Variants in EIF3E observed in about 807,000 individuals in gnomAD.
EIF3E encodes eIF-3 p48.
Under a neutral mutation model 59.3 loss-of-function variants are expected in EIF3E, and 25 were observed. The ratio of observed to expected loss-of-function variants is 0.42; its 90% confidence interval spans 0.31 to 0.59. The LOEUF is 0.59. EIF3E is among the 20% of genes least tolerant of loss of function. The pLI is 0.15. For synonymous variants in EIF3E, 176 were observed against 170.2 expected, an observed-to-expected ratio of 1.03 and a Z score of -0.26; for missense variants, 317 against 534.3, an observed-to-expected ratio of 0.59 and a Z score of 4.01.
chr8:108,247,585 C>T (rs972707342), intron 1 of EIF3E, among the ~76,000 whole-genome samples: 4 of 152,022 alleles, frequency 2.6e-5, no homozygotes, highest in African/African-American at 7.2e-5. Context: ...ACCTGTCTAA[C>T]GAGCCACAAC....
intron 5 of EIF3E, among the ~76,000 whole-genome samples, chr8:108,230,642 G>A (rs756157046): frequency 6.6e-6 from 1 of 152,034 alleles, no homozygotes; most frequent in African/African-American, 2.4e-5. Flanking sequence ...GAGTAGATGT[G>A]TAAATTAAAT....
intron 7 of EIF3E, among the ~76,000 whole-genome samples, chr8:108,225,290 G>C (rs928403158): frequency 8.6e-5 from 13 of 151,548 alleles, no homozygotes; most frequent in Admixed American, 4.6e-4. Flanking sequence ...TGGAAAATTT[G>C]TATCAGCCAC....
Position 108,223,531 on chromosome 8 carries a change from T to C in EIF3E, c.722+4736A>G, listed in dbSNP as rs1312688285. On this transcript the variant is annotated intron_variant, in intron 7 of 12. Transcript: ENST00000220849. The stretch of plus-strand genomic sequence containing the variant: ...GGTTAATAGTAAAACTTGAAATTTC[T>C]TAGAAAATTCAGATTATTTTTATTG... Among the ~76,000 whole-genome samples, 3 of 152,358 alleles carry C rather than the reference T, an allele frequency of 2.0e-5. No individual in the cohort carries two copies. The East Asian group carries it at 5.8e-4, about 29-fold the overall frequency.
intron 1 of EIF3E, among the ~76,000 whole-genome samples, chr8:108,244,318 CT>C (rs1378754516): frequency 6.6e-6 from 1 of 152,182 alleles, no homozygotes; most frequent in Non-Finnish European, 1.5e-5. Context: ...CAAAAACAGG[CT>C]GCTATCTGAT....
chr8:108,233,307 A>G (rs924446417), intron 5 of EIF3E: 3 of 152,212 alleles, frequency 2.0e-5, no homozygotes, highest in Non-Finnish European at 4.4e-5. Flanking sequence ...ATGCAATTTA[A>G]GTGTAGAAAT....
intron 5 of EIF3E, among the ~76,000 whole-genome samples, chr8:108,233,220 T>C (rs1445300790): frequency 2.0e-5 from 3 of 152,226 alleles, no homozygotes; most frequent in African/African-American, 7.2e-5. Context: ...AAAGTTGTTT[T>C]TCTTAAGCAA....
chr8:108,203,541 G>T (rs1380860402), intron 10 of EIF3E, 38 bp from the exon 11 acceptor site: 2 of 1,575,262 alleles, frequency 1.3e-6, no homozygotes, highest in Admixed American at 3.3e-5. Flanking sequence ...TAATTAACTG[G>T]GCCTAAAAAC....
At chr8:108,215,185 G>T (rs1815278704) in intron 9 of EIF3E, among the ~76,000 whole-genome samples, 2 of 150,668 alleles carry the variant, frequency 1.3e-5, no homozygotes, top group Admixed American at 1.3e-4. Context: ...GTACCCTCTA[G>T]GTCTTTTAAC....
chr8:108,208,906 C>T lies in EIF3E; in HGVS notation c.1062-5403G>A, dbSNP rs542500260. Among the ~76,000 whole-genome samples, 4 of 152,182 alleles carry T rather than the reference C, an allele frequency of 2.6e-5. No individual in the cohort carries two copies. The East Asian group carries it at 7.7e-4, about 29-fold the overall frequency. On this transcript the variant is annotated intron_variant, in intron 10 of 12. Coordinates refer to ENST00000220849, the MANE Select transcript of EIF3E (RefSeq NM_001568.3). The stretch of plus-strand genomic sequence containing the variant: ...TCAGCTATACTAAATTAAACCCCAA[C>T]ACAGTAATCTTTTTTGACAGATGTT...
intron 10 of EIF3E, among the ~76,000 whole-genome samples, chr8:108,204,746 TAGAGAGAGAG>T (rs1180256994): frequency 3.5e-4 from 40 of 113,686 alleles, no homozygotes; most frequent in Non-Finnish European, 4.8e-4. Flanking sequence ...TATATATATA[TAGAGAGAGAG>T]AGAGAGAGAG....
intron 1 of EIF3E, among the ~76,000 whole-genome samples, chr8:108,246,087 T>C (rs1456025296): frequency 6.6e-6 from 1 of 152,138 alleles, no homozygotes; most frequent in Non-Finnish European, 1.5e-5. Context: ...TAAGTTAGCA[T>C]ATACAGTGTG....
chr8:108,244,106 T>G (rs963713967), intron 1 of EIF3E, among the ~76,000 whole-genome samples: 5 of 152,186 alleles, frequency 3.3e-5, no homozygotes, highest in Admixed American at 3.3e-4. Context: ...AAAACGAGAA[T>G]CAAATTTCCA....
chr8:108,238,481 A>G (rs1815776359), intron 3 of EIF3E, among the ~76,000 whole-genome samples: 1 of 152,234 alleles, frequency 6.6e-6, no homozygotes, highest in Non-Finnish European at 1.5e-5. Context: ...CAATGTAAAT[A>G]TCATATAGTT....
intron 1 of EIF3E, chr8:108,243,453 C>T (rs999522597): frequency 4.0e-4 from 61 of 151,778 alleles, no homozygotes; most frequent in African/African-American, 1.4e-3. Context: ...CACGGTGAAA[C>T]CCTGTCTCTA....
chr8:108,244,356 C>T (rs1330032890), intron 1 of EIF3E, among the ~76,000 whole-genome samples: 3 of 152,166 alleles, frequency 2.0e-5, no homozygotes, highest in South Asian at 2.1e-4. Context: ...GCTGATCCGT[C>T]GTCTATCAAC....
chr8:108,227,355 A>C (rs1815534868), intron 7 of EIF3E: 1 of 152,170 alleles, frequency 6.6e-6, no homozygotes, highest in Non-Finnish European at 1.5e-5. Context: ...AATTTGCCCA[A>C]TAATATAGTC....
At chr8:108,226,814 C>A (rs1993472) in intron 7 of EIF3E, among the ~76,000 whole-genome samples, 5,310 of 152,226 alleles carry the variant, frequency 0.035, 306 homozygotes, top group African/African-American at 0.12. Context: ...AAGCAAAACC[C>A]CCCATGATTC....
chr8:108,242,179 T>C (rs1019488976), intron 1 of EIF3E: 1 of 1,343,512 alleles, frequency 7.4e-7, no homozygotes, highest in Non-Finnish European at 9.8e-7. Flanking sequence ...CATGACCTTA[T>C]TTTTTATGTG....
At chr8:108,209,373 C>T (rs1270929730) in intron 10 of EIF3E, among the ~76,000 whole-genome samples, 1 of 152,028 alleles carries the variant, frequency 6.6e-6, no homozygotes, top group Admixed American at 6.6e-5. Context: ...ACTGACCCTA[C>T]CTAATTTTCT....
Sources: gnomAD v4.1 joint callset for allele counts (sites outside exome capture counted in the v4.1 genomes callset) on GRCh38, gnomAD v4.1.1 for gene constraint, MANE v1.5 for transcripts, NCBI Gene and HGNC (gene_info 2026-07-23, HGNC 2026-07-21) for gene names.